Variants in LSAMP observed in about 807,000 individuals in gnomAD.
LSAMP encodes the protein limbic system-associated membrane protein.
In LSAMP, 7 loss-of-function variants were observed where a neutral mutation model predicts 38.6. That is an observed-to-expected ratio of 0.18 (90% CI 0.10 to 0.34). LSAMP has a LOEUF of 0.34. Ranked by LOEUF, LSAMP falls within the 10% of genes least tolerant of loss-of-function variation. The pLI is 1.00. For synonymous variants in LSAMP, 154 were observed against 166.8 expected (o/e 0.92, Z 0.59); for missense variants, 313 against 420.0 (o/e 0.75, Z 2.23).
At chr3:116,256,081 C>T (rs767988966) in intron 1 of LSAMP, among the ~76,000 whole-genome samples, 8 of 152,038 alleles carry the variant, frequency 5.3e-5, no homozygotes, top group African/African-American at 1.5e-4. Flanking sequence ...TTCCATTGAG[C>T]GGTGCAATTT....
chr3:116,103,791 A>C (rs925091482), intron 1 of LSAMP, among the ~76,000 whole-genome samples: 46 of 152,014 alleles, frequency 3.0e-4, no homozygotes, highest in African/African-American at 1.1e-3. Context: ...CAGAGTCCCT[A>C]ATTTATTTTT....
At chr3:116,054,045 G>C (rs987413916) in intron 2 of LSAMP, among the ~76,000 whole-genome samples, 2 of 152,112 alleles carry the variant, frequency 1.3e-5, no homozygotes, top group African/African-American at 4.8e-5. Flanking sequence ...GGGCCTCACT[G>C]GGCTAAAAGC....
intron 6 of LSAMP, among the ~76,000 whole-genome samples, chr3:115,833,573 T>C (rs1277972699): frequency 6.6e-6 from 1 of 152,186 alleles, no homozygotes; most frequent in African/African-American, 2.4e-5. Context: ...ACTGAATATC[T>C]ACACACAAGT....
intron 1 of LSAMP, among the ~76,000 whole-genome samples, chr3:116,435,468 G>T (rs1427648067): frequency 6.7e-6 from 1 of 150,178 alleles, no homozygotes; most frequent in African/African-American, 2.5e-5. Context: ...ATTCTGCTTT[G>T]TCCTTCTCTT....
rs565493263 is a variant in LSAMP, at chr3:115,847,703, C to T, written c.649+4780G>A. Among the ~76,000 whole-genome samples, 159 of 152,270 alleles carry T rather than the reference C, an allele frequency of 1.0e-3. 1 individual carries two copies. Among genetic ancestry groups the T allele is most frequent in the African/African-American group, 3.2e-3 (135 of 41,552 alleles). On this transcript the variant is annotated intron_variant, in intron 4 of 6. Coordinates refer to ENST00000490035, the MANE Select transcript of LSAMP (RefSeq NM_002338.5). ...CTCCTGCACTCATTCCCTTTCCTGC[C>T]GCCTTGTGAAGAATGTGCCTTGTTT...
intron 2 of LSAMP, among the ~76,000 whole-genome samples, chr3:116,037,900 A>C (rs893709215): frequency 1.6e-4 from 25 of 152,130 alleles, no homozygotes; most frequent in African/African-American, 6.0e-4. Flanking sequence ...TGAGCATTTT[A>C]GAAGTGAACC....
chr3:116,091,175 G>A (rs1708115108), intron 1 of LSAMP, among the ~76,000 whole-genome samples: 1 of 152,174 alleles, frequency 6.6e-6, no homozygotes, highest in Non-Finnish European at 1.5e-5. Context: ...AGAATTCAGT[G>A]ATATTTCTCC....
chr3:116,142,349 T>C (rs1465704345), intron 1 of LSAMP, among the ~76,000 whole-genome samples: 1 of 152,032 alleles, frequency 6.6e-6, no homozygotes, highest in Non-Finnish European at 1.5e-5. Flanking sequence ...ATAGTTTTTA[T>C]GTTCACAAAA....
chr3:115,973,247 T>C (rs1939075013), intron 3 of LSAMP, among the ~76,000 whole-genome samples: 1 of 152,176 alleles, frequency 6.6e-6, no homozygotes, highest in Non-Finnish European at 1.5e-5. Flanking sequence ...CAGCAGTCTA[T>C]AAAGACAAAT....
intron 2 of LSAMP, among the ~76,000 whole-genome samples, chr3:116,064,623 T>A (rs541286572): frequency 6.6e-6 from 1 of 152,000 alleles, no homozygotes. Flanking sequence ...ACAGATACAA[T>A]TAAAATGAAA....
intron 1 of LSAMP, among the ~76,000 whole-genome samples, chr3:116,156,822 G>A (rs1413514178): frequency 1.3e-5 from 2 of 152,098 alleles, no homozygotes; most frequent in African/African-American, 4.8e-5. Flanking sequence ...GGAAAAATGT[G>A]GTTGGTTGTC....
At chr3:116,012,071 G>T (rs1468918112) in intron 3 of LSAMP, among the ~76,000 whole-genome samples, 2 of 152,190 alleles carry the variant, frequency 1.3e-5, no homozygotes, top group Admixed American at 1.3e-4. Flanking sequence ...TGCCTGTATA[G>T]ATAAGCCATA....
At chr3:116,334,382 C>A (rs1168781356) in intron 1 of LSAMP, among the ~76,000 whole-genome samples, 1 of 152,092 alleles carries the variant, frequency 6.6e-6, no homozygotes, top group Non-Finnish European at 1.5e-5. Flanking sequence ...AACACCCCAA[C>A]TCATTCTACG....
intron 1 of LSAMP, among the ~76,000 whole-genome samples, chr3:116,333,528 C>A (rs2047879727): frequency 3.2e-5 from 4 of 124,244 alleles, no homozygotes; most frequent in East Asian, 2.3e-4. Flanking sequence ...AACAAGGTTC[C>A]ATCTCAAAAA....
intron 1 of LSAMP, among the ~76,000 whole-genome samples, chr3:116,221,458 G>A (rs1001601905): frequency 6.6e-6 from 1 of 152,090 alleles, no homozygotes; most frequent in Admixed American, 6.6e-5. Flanking sequence ...AACTAGCTAG[G>A]GAAGTCATTC....
intron 2 of LSAMP, among the ~76,000 whole-genome samples, chr3:116,082,554 T>A (rs533847235): frequency 1.6e-4 from 25 of 152,322 alleles, no homozygotes; most frequent in African/African-American, 6.0e-4. Flanking sequence ...CTAGAAATGC[T>A]AGTTTAAGAA....
At chr3:116,322,362 T>C (rs1021041488) in intron 1 of LSAMP, among the ~76,000 whole-genome samples, 3 of 152,196 alleles carry the variant, frequency 2.0e-5, no homozygotes, top group Admixed American at 1.3e-4. Flanking sequence ...AAAATAGGCC[T>C]GCTTATTCAA....
intron 1 of LSAMP, among the ~76,000 whole-genome samples, chr3:116,161,004 A>C (rs564504988): frequency 7.7e-4 from 117 of 152,344 alleles, no homozygotes; most frequent in African/African-American, 2.6e-3. Flanking sequence ...TCAATGAGAT[A>C]GTCTCCAGCC....
chr3:116,443,969 A>C (rs1274918336), intron 1 of LSAMP, among the ~76,000 whole-genome samples: 2 of 152,186 alleles, frequency 1.3e-5, no homozygotes, highest in Non-Finnish European at 2.9e-5. Context: ...GAGTCTCTCT[A>C]GCTCACAGTA....
Sources: gnomAD v4.1 joint callset for allele counts (sites outside exome capture counted in the v4.1 genomes callset) on GRCh38, gnomAD v4.1.1 for gene constraint, MANE v1.5 for transcripts, NCBI Gene and HGNC (gene_info 2026-07-23, HGNC 2026-07-21) for gene names.